SOX5: variants seen among roughly 807,000 people sequenced by gnomAD.
The protein encoded by SOX5 is SRY-box transcription factor 5, also known as transcription factor SOX-5.
In SOX5, 9 loss-of-function variants were observed where a neutral mutation model predicts 92.0. The observed-to-expected ratio is 0.10, with a 90% CI of 0.06 to 0.17. SOX5 has a LOEUF of 0.17. SOX5 is among the 10% of genes least tolerant of loss of function. SOX5 has a pLI of 1.00. For missense variants in SOX5, 642 were observed against 944.5 expected (o/e 0.68, Z 4.20); for synonymous variants, 344 against 336.3 (o/e 1.02, Z -0.25).
chr12:24,505,874 C>CGCGTGTGTGTGTGTGTGTGT (rs368183832), intron 1 of SOX5, among the ~76,000 whole-genome samples: 29 of 148,120 alleles, frequency 2.0e-4, no homozygotes, highest in African/African-American at 6.0e-4. Flanking sequence ...TGTGTGTGTG[C>CGCGTGTGTGTGTGTGTGTGT]GCATCACTGC....
chr12:24,253,351 TA>T (rs937795934), intron 3 of SOX5, among the ~76,000 whole-genome samples: 18 of 152,034 alleles, frequency 1.2e-4, no homozygotes, highest in African/African-American at 3.6e-4. Flanking sequence ...TTTTATTGAT[TA>T]TTGATACTAA....
At chr12:23,650,445 C>T (rs1393070695) in intron 7 of SOX5, among the ~76,000 whole-genome samples, 1 of 152,140 alleles carries the variant, frequency 6.6e-6, no homozygotes, top group Non-Finnish European at 1.5e-5. Context: ...AGTTCTCACC[C>T]TGTTCTTACC....
At chr12:23,886,855 A>T (rs1772277969) in intron 2 of SOX5, among the ~76,000 whole-genome samples, 1 of 152,212 alleles carries the variant, frequency 6.6e-6, no homozygotes, top group South Asian at 2.1e-4. Context: ...GAACACCAGT[A>T]TCTGCTAAAG....
intron 6 of SOX5, among the ~76,000 whole-genome samples, chr12:23,718,582 AG>A (rs1239493525): frequency 6.6e-6 from 1 of 152,244 alleles, no homozygotes; most frequent in Non-Finnish European, 1.5e-5. Context: ...CTAAAAATGC[AG>A]ATGATTTTGA....
intron 1 of SOX5, among the ~76,000 whole-genome samples, chr12:24,408,782 C>T (rs982615540): frequency 2.6e-5 from 4 of 152,002 alleles, no homozygotes; most frequent in African/African-American, 7.3e-5. Flanking sequence ...TAATTCACAC[C>T]GATTAATAAT....
intron 2 of SOX5, among the ~76,000 whole-genome samples, chr12:24,308,193 C>G (rs937093569): frequency 6.6e-6 from 1 of 152,120 alleles, no homozygotes; most frequent in Admixed American, 6.5e-5. Flanking sequence ...AGTGAGCATG[C>G]GTAGAACTCC....
chr12:23,941,253 A>G (rs1008040000), intron 1 of SOX5, among the ~76,000 whole-genome samples: 5 of 151,540 alleles, frequency 3.3e-5, no homozygotes, highest in African/African-American at 1.2e-4. Context: ...ATTATCTTTT[A>G]ATTTACTTAT....
At position 23,665,562 on chromosome 12, in the gene SOX5, A is replaced by G. The variant is rs752964092; in HGVS notation, c.813T>C (p.Val271=). ...KINLLQQQIQ[V]QGQLPPLMIP... ...TCATTAATGGCGGCAGCTGACCTTGAACCTGCTGAACGTGATAGAGCGAAT... is the reference window on the plus strand; with the variant it reads ...TCATTAATGGCGGCAGCTGACCTTGGACCTGCTGAACGTGATAGAGCGAAT... The change falls in exon 7 of 15, where the codon GTT becomes GTC. Residue 271 remains valine, a splice_region_variant and synonymous_variant. Transcript: ENST00000451604. 6.6e-5 allele frequency: 107 copies of G among 1,612,146 alleles called. No individual in the cohort carries two copies. The highest frequency in any genetic ancestry group is 2.3e-4 in the Admixed American group (14 of 59,806).
intron 4 of SOX5, among the ~76,000 whole-genome samples, chr12:23,960,828 A>G (rs188727300): frequency 3.9e-5 from 6 of 152,218 alleles, no homozygotes; most frequent in Middle Eastern, 3.4e-3. Flanking sequence ...AGGCACACAG[A>G]AAACTAAATT....
At chr12:23,585,205 C>G (rs1315800444) in intron 9 of SOX5, among the ~76,000 whole-genome samples, 1 of 152,056 alleles carries the variant, frequency 6.6e-6, no homozygotes, top group African/African-American at 2.4e-5. Flanking sequence ...AAAATGTATC[C>G]CTCCATATTT....
At position 24,082,404 on chromosome 12, in the gene SOX5, GAAAAAAAAAAAAAAA is replaced by G. The variant is rs58736325; in HGVS notation, c.-2+130924_-2+130938del. ...TCACCAGGGCTGCTCCTTTCGAAAA[GAAAAAAAAAAAAAAA>G]AAAAAAAAAAAAAAAGATGTATCCA... is the stretch of plus-strand genomic sequence containing the variant. On this transcript the variant is annotated intron_variant, in intron 4 of 4. Coordinates refer to the SOX5 transcript ENST00000446891. 6.8e-4 allele frequency among the ~76,000 whole-genome samples: 50 copies of G among 73,466 alleles called. No homozygotes were observed. The South Asian group carries it at 7.0e-3, about 10-fold the overall frequency. 48.2% of individuals were successfully genotyped at this position (73,466 alleles called of 152,430 possible).
Position 23,899,988 on chromosome 12 carries a change from T to A in SOX5, c.39-3964A>T, listed in dbSNP as rs1473706023. On this transcript the variant is annotated intron_variant, in intron 1 of 14. Coordinates refer to ENST00000451604, the MANE Select transcript of SOX5 (RefSeq NM_006940.6). ...AGTATCCTTAAATGCCTCACAGAATTGTTGAACCAGTTGACTTTCAAGGAA... is the reference window on the plus strand; with the variant it reads ...AGTATCCTTAAATGCCTCACAGAATAGTTGAACCAGTTGACTTTCAAGGAA... 2.0e-5 allele frequency among the ~76,000 whole-genome samples: 3 copies of A among 152,182 alleles called. No homozygotes were observed. In the South Asian group the frequency reaches 6.2e-4, roughly 32 times the overall value.
chr12:23,577,340 G>A (rs767095711), intron 9 of SOX5, among the ~76,000 whole-genome samples: 11 of 150,678 alleles, frequency 7.3e-5, no homozygotes, highest in South Asian at 2.1e-4. Flanking sequence ...ACACTACTAC[G>A]TGGTGCACAC....
intron 1 of SOX5, among the ~76,000 whole-genome samples, chr12:24,495,470 T>C (rs1947534744): frequency 6.6e-6 from 1 of 152,244 alleles, no homozygotes; most frequent in South Asian, 2.1e-4. Flanking sequence ...TTTCACAAGA[T>C]GATCCTTAGG....
intron 2 of SOX5, among the ~76,000 whole-genome samples, chr12:23,879,682 T>C (rs372727402): frequency 6.6e-6 from 1 of 152,046 alleles, no homozygotes; most frequent in African/African-American, 2.4e-5. Flanking sequence ...AGACAGTGAG[T>C]AGGAGAAAAC....
At chr12:24,229,102 C>T (rs984397718) in intron 3 of SOX5, among the ~76,000 whole-genome samples, 1 of 152,194 alleles carries the variant, frequency 6.6e-6, no homozygotes, top group Non-Finnish European at 1.5e-5. Context: ...GCAGCCACAC[C>T]ACCTGACCGC....
chr12:24,235,789 A>AT (rs1188102831), intron 3 of SOX5, among the ~76,000 whole-genome samples: 3 of 152,176 alleles, frequency 2.0e-5, no homozygotes, highest in Admixed American at 6.5e-5. Context: ...TACAATTAAA[A>AT]TTTTTTTAAA....
At chr12:23,758,801 T>C (rs898500046) in intron 3 of SOX5, among the ~76,000 whole-genome samples, 3 of 151,932 alleles carry the variant, frequency 2.0e-5, no homozygotes, top group Non-Finnish European at 2.9e-5. Context: ...AGGCTGATTA[T>C]AGAAAGGCTT....
At chr12:23,969,664 T>C (rs997850391) in intron 4 of SOX5, among the ~76,000 whole-genome samples, 31 of 152,260 alleles carry the variant, frequency 2.0e-4, no homozygotes, top group African/African-American at 7.2e-4. Context: ...CTCTTCTTTA[T>C]GTCCAGACTA....
Sources: allele counts gnomAD v4.1 joint callset (sites outside exome capture counted in the v4.1 genomes callset), GRCh38; gene constraint gnomAD v4.1.1; transcripts MANE v1.5; gene names NCBI Gene and HGNC (gene_info 2026-07-23, HGNC 2026-07-21).